GRIA4: variants seen among roughly 807,000 people sequenced by gnomAD.
GRIA4 encodes the protein glutamate ionotropic receptor AMPA type subunit 4, also known as glutamate receptor 4.
GRIA4 carries 34 observed loss-of-function variants against 104.0 expected under a neutral mutation model. That is an observed-to-expected ratio of 0.33 (90% confidence interval 0.25 to 0.44). The LOEUF (loss-of-function observed/expected upper bound fraction) is 0.44, where lower values mean the gene tolerates loss of function less well. GRIA4 is among the 20% of genes least tolerant of loss of function. The pLI is 1.00. For missense variants in GRIA4, 750 were observed against 1,096.5 expected (o/e 0.68, Z 4.46); for synonymous variants, 386 against 381.9 (o/e 1.01, Z -0.13).
At chr11:105,724,958 C>G (rs913539228) in intron 3 of GRIA4, among the ~76,000 whole-genome samples, 3 of 151,970 alleles carry the variant, frequency 2.0e-5, no homozygotes, top group African/African-American at 7.3e-5. Context: ...TTAAGAGCAC[C>G]AAATTTAGAA....
chr11:105,660,126 G>A (rs1402292807), intron 3 of GRIA4, among the ~76,000 whole-genome samples: 1 of 151,398 alleles, frequency 6.6e-6, no homozygotes, highest in Non-Finnish European at 1.5e-5. Context: ...CTAGGGGAAG[G>A]AAAAAATGAA....
intron 3 of GRIA4, among the ~76,000 whole-genome samples, chr11:105,689,221 G>A (rs1953000309): frequency 6.6e-6 from 1 of 152,108 alleles, no homozygotes; most frequent in African/African-American, 2.4e-5. Context: ...GGTGAAATTG[G>A]AGAAAGTGTA....
chr11:105,927,663 GT>G (rs576487049), intron 13 of GRIA4, among the ~76,000 whole-genome samples: 5 of 151,382 alleles, frequency 3.3e-5, no homozygotes, highest in Non-Finnish European at 5.9e-5. Context: ...TTTTATTTTA[GT>G]TTTTTTTAGT....
At chr11:105,717,243 T>A (rs1359041801) in intron 3 of GRIA4, among the ~76,000 whole-genome samples, 1 of 152,106 alleles carries the variant, frequency 6.6e-6, no homozygotes, top group Non-Finnish European at 1.5e-5. Flanking sequence ...TTCTTTCATT[T>A]CAGAGCATGG....
chr11:105,876,315 G>A lies in GRIA4; in HGVS notation c.673-11204G>A, dbSNP rs560745953. Among the ~76,000 whole-genome samples the A allele has an allele frequency of 5.9e-5, 9 of 152,060 alleles. No homozygotes were observed. In the South Asian group the frequency reaches 1.9e-3, roughly 32 times the overall value. On this transcript the variant is annotated intron_variant, in intron 5 of 16. Coordinates refer to ENST00000282499, the MANE Select transcript of GRIA4 (RefSeq NM_000829.4). ...GATTTTTGTTCTTTTGCATTTGCTA[G>A]GGAGTACTTTACTTACAGTTATGTG...
rs139617410 is a variant in GRIA4 at position 105,630,157 on chromosome 11, A to G, written c.247+17723A>G. Reference sequence around the variant, plus strand: ...CACCTTGGACTTACCCTACTACGTGATATTATTATTTATTTGCACTCCCCA... The same window carrying G: ...CACCTTGGACTTACCCTACTACGTGGTATTATTATTTATTTGCACTCCCCA... On this transcript the variant is annotated intron_variant, in intron 3 of 16. Coordinates refer to ENST00000282499, the MANE Select transcript of GRIA4 (RefSeq NM_000829.4). 1.1e-3 allele frequency among the ~76,000 whole-genome samples: 161 copies of G among 152,196 alleles called. 1 individual carries two copies. Among genetic ancestry groups the G allele is most frequent in the African/African-American group, 3.7e-3 (152 of 41,494 alleles).
Position 105,926,865 on chromosome 11 carries a change from G to A in GRIA4, c.1972G>A (p.Ala658Thr). 6.2e-7 allele frequency: 1 copy of A among 1,612,096 alleles called. No individual in the cohort carries two copies. ...GCGAATGGTCTCTCCCATAGAAAGT[G>A]CAGAAGACCTGGCCAAACAAACAGA... The part of the protein sequence containing the change: ...VERMVSPIES[A>T]EDLAKQTEIA... Residue 658 changes from alanine to threonine, a missense_variant, in exon 13 of 17, where the codon GCA becomes ACA. Ala to Thr is a moderately conservative substitution (Grantham distance 58). This residue lies in a region of GRIA4 where 272 missense variants were observed against 524.5 expected (regional missense o/e 0.52). Coordinates refer to ENST00000282499, the MANE Select transcript of GRIA4 (RefSeq NM_000829.4).
At chr11:105,837,957 C>T (rs1032504484) in intron 4 of GRIA4, among the ~76,000 whole-genome samples, 1 of 152,206 alleles carries the variant, frequency 6.6e-6, no homozygotes, top group East Asian at 1.9e-4. Context: ...AACACCCACT[C>T]TGCTCCTCTT....
intron 3 of GRIA4, among the ~76,000 whole-genome samples, chr11:105,739,764 C>T (rs1440538608): frequency 1.3e-5 from 2 of 151,960 alleles, no homozygotes; most frequent in Admixed American, 6.6e-5. Context: ...TCTTGCCTGA[C>T]TTTGTAAAGT....
chr11:105,799,735 T>C (rs990449257), intron 4 of GRIA4, among the ~76,000 whole-genome samples: 4 of 152,096 alleles, frequency 2.6e-5, no homozygotes, highest in Non-Finnish European at 4.4e-5. Flanking sequence ...TGATTCAAGG[T>C]CATCTGCTGA....
intron 4 of GRIA4, among the ~76,000 whole-genome samples, chr11:105,793,605 G>C (rs898342955): frequency 6.6e-6 from 1 of 152,136 alleles, no homozygotes; most frequent in Non-Finnish European, 1.5e-5. Flanking sequence ...CCATGAAGCT[G>C]TTCCTCCCAC....
At chr11:105,900,716 G>C (rs1023286793) in intron 7 of GRIA4, among the ~76,000 whole-genome samples, 1 of 152,060 alleles carries the variant, frequency 6.6e-6, no homozygotes, top group Non-Finnish European at 1.5e-5. Flanking sequence ...AGCCTCCTGA[G>C]TAGCTGGAAA....
chr11:105,884,273 T>A (rs1445531208), intron 5 of GRIA4, among the ~76,000 whole-genome samples: 1 of 152,248 alleles, frequency 6.6e-6, no homozygotes, highest in African/African-American at 2.4e-5. Flanking sequence ...TATTTATATA[T>A]TTTTTAAAAA....
chr11:105,696,765 GA>G (rs1953292303), intron 3 of GRIA4, among the ~76,000 whole-genome samples: 1 of 118,196 alleles, frequency 8.5e-6, no homozygotes, highest in Non-Finnish European at 1.9e-5. Flanking sequence ...ATTTCTTTCT[GA>G]TTTTTTTTTT....
At chr11:105,764,170 C>T (rs1940822490) in intron 4 of GRIA4, among the ~76,000 whole-genome samples, 1 of 152,132 alleles carries the variant, frequency 6.6e-6, no homozygotes, top group Non-Finnish European at 1.5e-5. Flanking sequence ...CGGAGTCTCA[C>T]TCTGTCACCA....
At chr11:105,751,309 A>C (rs1003186464) in intron 3 of GRIA4, among the ~76,000 whole-genome samples, 1 of 152,200 alleles carries the variant, frequency 6.6e-6, no homozygotes, top group African/African-American at 2.4e-5. Context: ...TAATGGTGTT[A>C]AATGTGGACC....
chr11:105,862,129 T>C lies in GRIA4; in HGVS notation c.593T>C (p.Leu198Pro), dbSNP rs2136021115. 6.2e-7 allele frequency: 1 copy of C among 1,608,664 alleles called. No individual in the cohort carries two copies. The part of the protein sequence containing the change: ...NFNDVSYRQL[L>P]EELDRRQEKK... The stretch of plus-strand genomic sequence containing the variant: ...AATGATGTCAGCTATAGGCAACTTC[T>C]AGAAGAACTTGACAGAAGACAAGAG... The change falls in exon 5 of 17, where the codon CTA (leucine) becomes CCA (proline). Residue 198 changes from leucine to proline, a missense_variant. Physicochemically the swap from Leu to Pro is moderately conservative, Grantham distance 98 (BLOSUM62 -3). Transcript: ENST00000282499.
intron 16 of GRIA4, among the ~76,000 whole-genome samples, chr11:105,976,058 T>C (rs1204510650): frequency 6.6e-6 from 1 of 152,082 alleles, no homozygotes; most frequent in Non-Finnish European, 1.5e-5. Context: ...GCTTTCATCT[T>C]AATGTTTACA....
At chr11:105,857,301 C>CAA (rs1945042471) in intron 4 of GRIA4, among the ~76,000 whole-genome samples, 1 of 152,138 alleles carries the variant, frequency 6.6e-6, no homozygotes, top group African/African-American at 2.4e-5. Flanking sequence ...GACACACACA[C>CAA]CTTTCTCCTT....
Sources: gnomAD v4.1 joint callset for allele counts (sites outside exome capture counted in the v4.1 genomes callset) on GRCh38, gnomAD v4.1.1 for gene constraint, gnomAD v4.1.1 regional missense constraint, MANE v1.5 for transcripts, NCBI Gene and HGNC (gene_info 2026-07-23, HGNC 2026-07-21) for gene names.